The following CNTNAP4 variants were observed in gnomAD, a reference collection of about 807,000 sequenced individuals.
CNTNAP4 encodes the protein contactin-associated protein-like 4.
Under a neutral mutation model 148.4 loss-of-function variants are expected in CNTNAP4, and 98 were observed. That is an observed-to-expected ratio of 0.66 (90% CI 0.56 to 0.78). CNTNAP4 has a LOEUF of 0.78. Among genes scored for constraint, CNTNAP4 ranks in the 30% least tolerant of loss-of-function variants. The pLI is 0.00. For missense variants in CNTNAP4, 1,935 were observed against 1,565.6 expected (o/e 1.24, Z -3.98); for synonymous variants, 730 against 565.1 (o/e 1.29, Z -4.14).
chr16:76,485,014 A>G (rs1234117250), intron 12 of CNTNAP4, among the ~76,000 whole-genome samples: 2 of 152,266 alleles, frequency 1.3e-5, no homozygotes, highest in Non-Finnish European at 2.9e-5. Context: ...ACGATGTTAA[A>G]AGCTGAAATT....
intron 2 of CNTNAP4, among the ~76,000 whole-genome samples, chr16:76,354,559 T>G (rs1248600861): frequency 2.0e-5 from 3 of 152,152 alleles, no homozygotes; most frequent in Non-Finnish European, 4.4e-5. Flanking sequence ...GGGCAGGTGC[T>G]TATTTGCAGA....
chr16:76,402,345 G>A (rs1032281908), intron 3 of CNTNAP4, among the ~76,000 whole-genome samples: 3 of 150,688 alleles, frequency 2.0e-5, no homozygotes, highest in Non-Finnish European at 2.9e-5. Context: ...AGTTTCTGAT[G>A]TTTCTGATGT....
At chr16:76,467,830 T>C (rs1052884276) in intron 10 of CNTNAP4, among the ~76,000 whole-genome samples, 1 of 152,192 alleles carries the variant, frequency 6.6e-6, no homozygotes, top group African/African-American at 2.4e-5. Flanking sequence ...TAAAAATATG[T>C]CATTAAACTC....
At chr16:76,542,711 C>A (rs1259960187) in intron 21 of CNTNAP4, among the ~76,000 whole-genome samples, 1 of 152,182 alleles carries the variant, frequency 6.6e-6, no homozygotes, top group Non-Finnish European at 1.5e-5. Flanking sequence ...CTCACTTAAG[C>A]CTACCTGCCA....
chr16:76,550,591 T>G (rs963440767), intron 21 of CNTNAP4, among the ~76,000 whole-genome samples: 6 of 152,104 alleles, frequency 3.9e-5, no homozygotes, highest in African/African-American at 1.4e-4. Flanking sequence ...GTAGAAGAAA[T>G]GTGAAAAGCA....
At chr16:76,393,158 A>G (rs1597402994) in intron 3 of CNTNAP4, among the ~76,000 whole-genome samples, 1 of 151,766 alleles carries the variant, frequency 6.6e-6, no homozygotes, top group African/African-American at 2.4e-5. Context: ...AAACCAACAA[A>G]CCCCTATCTA....
Position 76,290,866 on chromosome 16 carries a change from A to G in CNTNAP4, c.85+13119A>G, listed in dbSNP as rs146457451. 2.4e-3 allele frequency among the ~76,000 whole-genome samples: 364 copies of G among 152,332 alleles called. 1 individual carries two copies. Among genetic ancestry groups the G allele is most frequent in the African/African-American group, 8.3e-3 (345 of 41,572 alleles). ...TTCTGGAGGCCAAAAGTCCATCAAA[A>G]TGCCATCTAGGTTGGTTTTTGGTGT... On this transcript the variant is annotated intron_variant, in intron 1 of 23. Coordinates refer to ENST00000611870, the MANE Select transcript of CNTNAP4 (RefSeq NM_033401.5).
chr16:76,493,526 C>A (rs539689057), intron 13 of CNTNAP4, among the ~76,000 whole-genome samples: 1 of 151,628 alleles, frequency 6.6e-6, no homozygotes, highest in Non-Finnish European at 1.5e-5. Context: ...CAGTCTATAC[C>A]TTAAAAAACA....
chr16:76,352,792 C>A (rs565618765), intron 2 of CNTNAP4, among the ~76,000 whole-genome samples: 1 of 152,176 alleles, frequency 6.6e-6, no homozygotes, highest in South Asian at 2.1e-4. Flanking sequence ...AGGAGCAGTT[C>A]CCGCAGAGTT....
chr16:76,409,341 C>T lies in CNTNAP4; in HGVS notation c.391-18111C>T, dbSNP rs34516314. ...ATTAAAATAAGCAGAGTTTAAAGTA[C>T]GTATACAGCATCATTAAAATAACAT... On this transcript the variant is annotated intron_variant, in intron 3 of 23. Transcript: ENST00000611870. 6.5e-3 allele frequency among the ~76,000 whole-genome samples: 993 copies of T among 151,798 alleles called. 5 individuals are homozygous for T. Among genetic ancestry groups the T allele is most frequent in the Non-Finnish European group, 9.2e-3 (627 of 67,860 alleles).
At chr16:76,512,566 T>C (rs753004188) in intron 15 of CNTNAP4, among the ~76,000 whole-genome samples, 9 of 151,988 alleles carry the variant, frequency 5.9e-5, no homozygotes, top group Admixed American at 5.9e-4. Flanking sequence ...GGGTCAGAGT[T>C]GTAGAGAAAT....
intron 3 of CNTNAP4, among the ~76,000 whole-genome samples, chr16:76,370,291 A>C (rs1347898418): frequency 3.3e-5 from 5 of 150,454 alleles, no homozygotes; most frequent in African/African-American, 9.8e-5. Flanking sequence ...TTCTGACAGA[A>C]AAAAAAAAAT....
At chr16:76,429,280 A>G (rs981415857) in intron 4 of CNTNAP4, among the ~76,000 whole-genome samples, 8 of 152,180 alleles carry the variant, frequency 5.3e-5, no homozygotes, top group Non-Finnish European at 1.2e-4. Flanking sequence ...AGAGCTTAGC[A>G]AAGCTCATGC....
At chr16:76,339,378 A>G (rs1413684340) in intron 2 of CNTNAP4, among the ~76,000 whole-genome samples, 1 of 152,176 alleles carries the variant, frequency 6.6e-6, no homozygotes, top group African/African-American at 2.4e-5. Flanking sequence ...AGATTGTTGA[A>G]AAATATAAAC....
rs9936977 is a variant in CNTNAP4, at chr16:76,549,386, C to T, written c.3443-3897C>T. On this transcript the variant is annotated intron_variant, in intron 21 of 23. Coordinates refer to ENST00000611870, the MANE Select transcript of CNTNAP4 (RefSeq NM_033401.5). The stretch of plus-strand genomic sequence containing the variant: ...TGTGGCCTGCAGCTCTGCTCCTGGT[C>T]CACCCAGATCACCACACTGTCTACT... Among the ~76,000 whole-genome samples the T allele has an allele frequency of 4.2e-3, 632 of 152,224 alleles. 7 individuals are homozygous for T. Among genetic ancestry groups the T allele is most frequent in the African/African-American group, 0.014 (597 of 41,536 alleles).
intron 2 of CNTNAP4, among the ~76,000 whole-genome samples, chr16:76,333,009 C>A (rs1368081919): frequency 6.6e-6 from 1 of 152,170 alleles, no homozygotes; most frequent in African/African-American, 2.4e-5. Flanking sequence ...ACTCCCCTTT[C>A]TTACACATGT....
At chr16:76,380,579 A>G (rs145884338) in intron 3 of CNTNAP4, among the ~76,000 whole-genome samples, 66 of 152,330 alleles carry the variant, frequency 4.3e-4, no homozygotes, top group Non-Finnish European at 7.9e-4. Flanking sequence ...GTGTAACAAT[A>G]AGATGACTAA....
chr16:76,356,523 T>C (rs2012669084), intron 3 of CNTNAP4, among the ~76,000 whole-genome samples: 1 of 152,198 alleles, frequency 6.6e-6, no homozygotes, highest in Non-Finnish European at 1.5e-5. Context: ...AAACACCTGA[T>C]GGAAGAAGAA....
intron 15 of CNTNAP4, among the ~76,000 whole-genome samples, chr16:76,519,357 C>T (rs2083371963): frequency 6.6e-6 from 1 of 152,094 alleles, no homozygotes; most frequent in Non-Finnish European, 1.5e-5. Flanking sequence ...GGTTCAAGCA[C>T]TTCCTTGAAG....
Sources: allele counts gnomAD v4.1 joint callset (sites outside exome capture counted in the v4.1 genomes callset), GRCh38; gene constraint gnomAD v4.1.1; transcripts MANE v1.5; gene names NCBI Gene and HGNC (gene_info 2026-07-23, HGNC 2026-07-21).